POLN: variants seen among roughly 807,000 people sequenced by gnomAD.
POLN encodes DNA polymerase N.
A neutral mutation model predicts 113.5 loss-of-function variants in POLN; 108 were observed. That is an observed-to-expected ratio of 0.95 (90% confidence interval 0.81 to 1.12). The LOEUF is 1.12. Among genes scored for constraint, POLN ranks in the 50% most tolerant of loss-of-function variants. POLN has a pLI of 0.00. For missense variants in POLN, 1,097 were observed against 1,077.1 expected, an observed-to-expected ratio of 1.02 and a Z score of -0.26; for synonymous variants, 386 against 391.5, an observed-to-expected ratio of 0.99 and a Z score of 0.17.
intron 16 of POLN, among the ~76,000 whole-genome samples, chr4:2,136,932 C>T (rs939153273): frequency 6.6e-6 from 1 of 152,246 alleles, no homozygotes; most frequent in Admixed American, 6.5e-5. Flanking sequence ...CATGCTGGCT[C>T]TCCTTGTCTT....
intron 2 of POLN, chr4:2,236,122 C>T: frequency 1.6e-6 from 1 of 630,406 alleles, no homozygotes; most frequent in Non-Finnish European, 2.7e-6. Flanking sequence ...TATATTAAGG[C>T]AATGAAATTG....
At chr4:2,080,098 G>T in intron 23 of POLN, 1 of 985,440 alleles carries the variant, frequency 1.0e-6, no homozygotes, top group Non-Finnish European at 1.2e-6. Context: ...GCCCTTCGGG[G>T]ACTGACACTG....
At chr4:2,201,241 T>G (rs1577766312) in intron 5 of POLN, among the ~76,000 whole-genome samples, 1 of 113,604 alleles carries the variant, frequency 8.8e-6, no homozygotes, top group East Asian at 2.8e-4. Flanking sequence ...CACTCCAGCC[T>G]GAGTGACAGA....
At chr4:2,241,327 CT>C (rs1473346843) in intron 2 of POLN, among the ~76,000 whole-genome samples, 192 bp downstream of exon 2, 1 of 152,306 alleles carries the variant, frequency 6.6e-6, no homozygotes, top group Admixed American at 6.5e-5. Context: ...TCCATTTTAT[CT>C]TTTTTTCCAA....
At chr4:2,207,661 T>C (rs1296228319) in intron 5 of POLN, among the ~76,000 whole-genome samples, 1 of 151,898 alleles carries the variant, frequency 6.6e-6, no homozygotes, top group East Asian at 1.9e-4. Flanking sequence ...AATAGGGAAA[T>C]ACAATTTAAA....
intron 20 of POLN, among the ~76,000 whole-genome samples, chr4:2,094,679 G>C (rs1235123326): frequency 1.3e-5 from 2 of 152,176 alleles, no homozygotes; most frequent in African/African-American, 4.8e-5. Context: ...TTCCCATAGA[G>C]GGAAGAGTAG....
intron 16 of POLN, among the ~76,000 whole-genome samples, chr4:2,151,473 A>AG (rs1278950332): frequency 1.3e-5 from 2 of 152,218 alleles, no homozygotes; most frequent in East Asian, 1.9e-4. Context: ...TTTAACCAAG[A>AG]GAAAAAAAAG....
At chr4:2,154,785 G>A (rs1166175914) in intron 16 of POLN, among the ~76,000 whole-genome samples, 1 of 152,162 alleles carries the variant, frequency 6.6e-6, no homozygotes, top group Non-Finnish European at 1.5e-5. Context: ...AATTAAAACT[G>A]CAAACAATCT....
chr4:2,182,378 T>C (rs1345022800), intron 7 of POLN, among the ~76,000 whole-genome samples: 1 of 152,136 alleles, frequency 6.6e-6, no homozygotes, highest in Non-Finnish European at 1.5e-5. Context: ...TATAGAGACA[T>C]GCAGAGGGAA....
intron 24 of POLN, among the ~76,000 whole-genome samples, chr4:2,073,282 G>A (rs1189342725): frequency 6.6e-6 from 1 of 152,142 alleles, no homozygotes; most frequent in African/African-American, 2.4e-5. Context: ...CAGGCCCCTT[G>A]GCCCTCGCTG....
intron 19 of POLN, among the ~76,000 whole-genome samples, chr4:2,125,964 C>T (rs1731568881): frequency 6.6e-6 from 1 of 152,140 alleles, no homozygotes; most frequent in African/African-American, 2.4e-5. Context: ...GGGTGGAGGC[C>T]ACTCATGTGA....
At chr4:2,204,109 CAAA>C (rs566255148) in intron 5 of POLN, among the ~76,000 whole-genome samples, 8,579 of 52,456 alleles carry the variant, frequency 0.16, 107 homozygotes, top group African/African-American at 0.28. Context: ...AACTCTATCA[CAAA>C]AAAAAAAAAA....
intron 19 of POLN, among the ~76,000 whole-genome samples, chr4:2,105,503 G>GA (rs1018858330): frequency 2.6e-5 from 4 of 152,164 alleles, no homozygotes; most frequent in African/African-American, 4.8e-5. Context: ...AAATCTATAA[G>GA]AAAAAAGAGA....
intron 19 of POLN, among the ~76,000 whole-genome samples, chr4:2,101,654 C>T (rs906110807): frequency 2.0e-5 from 3 of 152,222 alleles, no homozygotes; most frequent in Non-Finnish European, 4.4e-5. Context: ...CATTCTTGGT[C>T]CTAGCTTTTA....
At chr4:2,240,130 G>T (rs980134116) in intron 2 of POLN, 14 of 1,613,742 alleles carry the variant, frequency 8.7e-6, no homozygotes, top group Non-Finnish European at 1.2e-5. Flanking sequence ...AACTGATGTT[G>T]AGCACAAATG....
intron 7 of POLN, among the ~76,000 whole-genome samples, chr4:2,188,112 T>G (rs1475690847): frequency 1.3e-5 from 2 of 151,802 alleles, no homozygotes; most frequent in African/African-American, 4.8e-5. Context: ...TGAGACCCCA[T>G]CTCCCTGCCA....
chr4:2,093,644 G>C lies in POLN; in HGVS notation c.2065+2207C>G, dbSNP rs544407420. Reference sequence around the variant, plus strand: ...AAGGCAACAAACTCTCATATAATTTGGCAGAGTGATGCCTTCCCCCAAGAC... The same window carrying C: ...AAGGCAACAAACTCTCATATAATTTCGCAGAGTGATGCCTTCCCCCAAGAC... On this transcript the variant is annotated intron_variant, in intron 20 of 25. Coordinates refer to ENST00000511885, the MANE Select transcript of POLN (RefSeq NM_181808.4). The surrounding 1 kb of genome is among the most constrained non-coding windows in gnomAD (Gnocchi z 4.1). Among the ~76,000 whole-genome samples the C allele has an allele frequency of 1.3e-5, 2 of 152,282 alleles. No individual in the cohort carries two copies. Among genetic ancestry groups the C allele is most frequent in the South Asian group, 2.1e-4 (1 of 4,820 alleles).
intron 9 of POLN, among the ~76,000 whole-genome samples, chr4:2,175,962 T>C: frequency 6.6e-6 from 1 of 152,208 alleles, no homozygotes; most frequent in South Asian, 2.1e-4. Flanking sequence ...TGAAGCTATG[T>C]CCATCCCACT....
At chr4:2,165,175 C>A (rs540251706) in intron 13 of POLN, among the ~76,000 whole-genome samples, 1 of 152,240 alleles carries the variant, frequency 6.6e-6, no homozygotes, top group African/African-American at 2.4e-5. Flanking sequence ...TGGAAACAAC[C>A]AAGATGTTCT....
Sources: gnomAD v4.1 joint callset for allele counts (sites outside exome capture counted in the v4.1 genomes callset) on GRCh38, gnomAD v4.1.1 for gene constraint, Gnocchi (gnomAD v3.1) non-coding constraint, MANE v1.5 for transcripts, NCBI Gene and HGNC (gene_info 2026-07-23, HGNC 2026-07-21) for gene names.